NKAIN2: variants seen among roughly 807,000 people sequenced by gnomAD.
NKAIN2 encodes sodium/potassium-transporting ATPase subunit beta-1-interacting protein 2.
In NKAIN2, 14 loss-of-function variants were observed where a neutral mutation model predicts 32.6. That is an observed-to-expected ratio of 0.43 (90% CI 0.28 to 0.67). The LOEUF (loss-of-function observed/expected upper bound fraction) is 0.67. Ranked by LOEUF, NKAIN2 falls within the 30% of genes least tolerant of loss-of-function variation. NKAIN2 has a pLI of 0.17. For missense variants in NKAIN2, 198 were observed against 258.3 expected, an observed-to-expected ratio of 0.77 and a Z score of 1.60; for synonymous variants, 80 against 87.2, an observed-to-expected ratio of 0.92 and a Z score of 0.46.
intron 3 of NKAIN2, among the ~76,000 whole-genome samples, chr6:124,412,637 A>T (rs962764720): frequency 3.3e-5 from 5 of 152,162 alleles, no homozygotes; most frequent in African/African-American, 9.7e-5. Flanking sequence ...CCACTTGAGG[A>T]GGCAGTCTGC....
At chr6:124,815,901 C>T (rs1007225572) in intron 5 of NKAIN2, among the ~76,000 whole-genome samples, 1 of 152,116 alleles carries the variant, frequency 6.6e-6, no homozygotes, top group African/African-American at 2.4e-5. Context: ...TTATTTTATC[C>T]TCATACCAAT....
intron 1 of NKAIN2, among the ~76,000 whole-genome samples, chr6:124,091,545 C>T (rs1022487676): frequency 3.3e-5 from 5 of 151,970 alleles, no homozygotes; most frequent in African/African-American, 1.2e-4. Context: ...GAAAATAATA[C>T]ATACATTTTT....
intron 3 of NKAIN2, among the ~76,000 whole-genome samples, chr6:124,548,336 A>T (rs944773298): frequency 6.6e-6 from 1 of 152,246 alleles, no homozygotes; most frequent in African/African-American, 2.4e-5. Flanking sequence ...TAGTAACAGG[A>T]AGAAATAACA....
At chr6:124,635,307 C>T (rs1335820107) in intron 3 of NKAIN2, among the ~76,000 whole-genome samples, 1 of 151,854 alleles carries the variant, frequency 6.6e-6, no homozygotes, top group East Asian at 1.9e-4. Context: ...ATAAAACTCA[C>T]TGGTAGAACA....
At chr6:124,505,747 T>G (rs1242422240) in intron 3 of NKAIN2, among the ~76,000 whole-genome samples, 1 of 152,170 alleles carries the variant, frequency 6.6e-6, no homozygotes, top group South Asian at 2.1e-4. Flanking sequence ...CTATTGTCAC[T>G]CTCTAGATTA....
intron 3 of NKAIN2, among the ~76,000 whole-genome samples, chr6:124,458,190 G>T (rs1369800663): frequency 6.6e-6 from 1 of 151,870 alleles, no homozygotes; most frequent in Admixed American, 6.6e-5. Context: ...AAATATTACA[G>T]TTATTAAAAA....
chr6:124,146,319 TACTA>T (rs1257913685), intron 1 of NKAIN2, among the ~76,000 whole-genome samples: 1 of 152,206 alleles, frequency 6.6e-6, no homozygotes, highest in African/African-American at 2.4e-5. Flanking sequence ...AAAAATAATT[TACTA>T]ACTTAGTCAT....
At position 124,823,895 on chromosome 6, in the gene NKAIN2, T is replaced by A. The variant is rs1781492416; in HGVS notation, c.*666T>A. 1 of 152,268 alleles carries A rather than the reference T, an allele frequency of 6.6e-6. No individual in the cohort carries two copies. Among genetic ancestry groups the A allele is most frequent in the African/African-American group, 2.4e-5 (1 of 41,442 alleles). The allele number at this position is 152,268 out of a possible 1,614,324, so 9.4% of individuals were successfully genotyped here. A position where few individuals can be genotyped will look rare whatever the true frequency, so the allele number is the denominator to read the frequency against. Reference sequence around the variant, plus strand: ...AATTCTAAATGAGTTCAAGCCTGTGTGTTTCATGTCAAGGAACAAGACTGA... The same window carrying A: ...AATTCTAAATGAGTTCAAGCCTGTGAGTTTCATGTCAAGGAACAAGACTGA... On this transcript the variant is annotated 3_prime_UTR_variant, in exon 7 of 7. Coordinates refer to ENST00000368417, the MANE Select transcript of NKAIN2 (RefSeq NM_001040214.3).
intron 4 of NKAIN2, among the ~76,000 whole-genome samples, chr6:124,752,670 G>A (rs1480787038): frequency 6.6e-6 from 1 of 151,952 alleles, no homozygotes; most frequent in Non-Finnish European, 1.5e-5. Context: ...AGGTAACTTG[G>A]CTAGACTTGT....
At chr6:124,036,418 G>C (rs530065148) in intron 1 of NKAIN2, among the ~76,000 whole-genome samples, 2 of 152,024 alleles carry the variant, frequency 1.3e-5, no homozygotes, top group African/African-American at 4.8e-5. Flanking sequence ...CATTTCCATT[G>C]TAATTTCCTT....
At chr6:124,417,146 C>G (rs902024954) in intron 3 of NKAIN2, among the ~76,000 whole-genome samples, 1 of 152,176 alleles carries the variant, frequency 6.6e-6, no homozygotes, top group African/African-American at 2.4e-5. Flanking sequence ...ACTGAGAGGA[C>G]AGCTGTTAAA....
At chr6:124,803,905 A>T (rs1780390139) in intron 5 of NKAIN2, among the ~76,000 whole-genome samples, 1 of 152,198 alleles carries the variant, frequency 6.6e-6, no homozygotes, top group Non-Finnish European at 1.5e-5. Context: ...AATCCTACTC[A>T]TAGTGTATTT....
At chr6:124,737,170 C>T (rs2114679090) in intron 4 of NKAIN2, among the ~76,000 whole-genome samples, 1 of 151,912 alleles carries the variant, frequency 6.6e-6, no homozygotes, top group South Asian at 2.1e-4. Flanking sequence ...TGTGTAGCCA[C>T]CCAAATCTCA....
At chr6:124,166,195 T>C (rs1479113613) in intron 1 of NKAIN2, among the ~76,000 whole-genome samples, 1 of 140,968 alleles carries the variant, frequency 7.1e-6, no homozygotes, top group East Asian at 2.1e-4. Context: ...CCTGACTTTT[T>C]AATGATCGCC....
chr6:123,961,299 T>G (rs1777839261), intron 1 of NKAIN2, among the ~76,000 whole-genome samples: 1 of 152,200 alleles, frequency 6.6e-6, no homozygotes, highest in Admixed American at 6.5e-5. Context: ...TGCTGTATAC[T>G]ACGATTATTC....
chr6:124,332,282 G>A (rs1243327689), intron 2 of NKAIN2, among the ~76,000 whole-genome samples: 3 of 151,850 alleles, frequency 2.0e-5, no homozygotes, highest in African/African-American at 7.3e-5. Context: ...GAGAGAGAGT[G>A]TATATATTCT....
At chr6:124,134,580 A>G (rs1443837181) in intron 1 of NKAIN2, among the ~76,000 whole-genome samples, 1 of 152,164 alleles carries the variant, frequency 6.6e-6, no homozygotes, top group Non-Finnish European at 1.5e-5. Context: ...GCTACTTGGT[A>G]GGCTGAGGCA....
At chr6:124,590,418 T>C (rs1781868395) in intron 3 of NKAIN2, among the ~76,000 whole-genome samples, 1 of 152,164 alleles carries the variant, frequency 6.6e-6, no homozygotes, top group Non-Finnish European at 1.5e-5. Context: ...GAAAGAAATA[T>C]ACAAAATGCA....
chr6:124,274,416 A>T (rs1202961177), intron 1 of NKAIN2, among the ~76,000 whole-genome samples: 3 of 152,142 alleles, frequency 2.0e-5, no homozygotes, highest in African/African-American at 7.2e-5. Flanking sequence ...CAAAGAACCT[A>T]TTATATTTAC....
Sources: gnomAD v4.1 joint callset for allele counts (sites outside exome capture counted in the v4.1 genomes callset) on GRCh38, gnomAD v4.1.1 for gene constraint, MANE v1.5 for transcripts, NCBI Gene and HGNC (gene_info 2026-07-23, HGNC 2026-07-21) for gene names.